Variants in FANCC observed in about 807,000 individuals in gnomAD.
FANCC encodes FA complementation group C.
FANCC carries 55 observed loss-of-function variants against 71.3 expected under a neutral mutation model. The observed-to-expected ratio is 0.77, with a 90% CI of 0.62 to 0.97. FANCC has a LOEUF of 0.97. Ranked by LOEUF, FANCC falls within the 50% of genes least tolerant of loss-of-function variation. FANCC has a pLI of 0.00. For missense variants in FANCC, 678 were observed against 670.9 expected, an observed-to-expected ratio of 1.01 and a Z score of -0.12; for synonymous variants, 275 against 244.9, an observed-to-expected ratio of 1.12 and a Z score of -1.15.
intron 1 of FANCC, among the ~76,000 whole-genome samples, chr9:95,283,935 T>C (rs1044648372): frequency 2.0e-5 from 3 of 152,240 alleles, no homozygotes; most frequent in Non-Finnish European, 4.4e-5. Flanking sequence ...TGCCAGTCTA[T>C]GCCTCCGTTT....
At chr9:95,161,289 C>A (rs559392267) in intron 6 of FANCC, among the ~76,000 whole-genome samples, 2 of 152,132 alleles carry the variant, frequency 1.3e-5, no homozygotes, top group African/African-American at 4.8e-5. Flanking sequence ...AGGAAGGAGG[C>A]CTGGAAGGAG....
At chr9:95,121,073 C>T (rs1056945686) in intron 10 of FANCC, among the ~76,000 whole-genome samples, 3 of 152,208 alleles carry the variant, frequency 2.0e-5, no homozygotes, top group South Asian at 2.1e-4. Flanking sequence ...TCCACTTTTT[C>T]AGGTGCTCTG....
In FANCC at chr9:95,229,802, CACAT is replaced by C. The variant is rs1483434472; in HGVS notation, c.345+10843_345+10846del. On this transcript the variant is annotated intron_variant, in intron 4 of 14. Coordinates refer to ENST00000289081, the MANE Select transcript of FANCC (RefSeq NM_000136.3). ...ACACACACACACACACACACACACA[CACAT>C]TGTAATTCTTTCATGGCTCTTTCCA... Among the ~76,000 whole-genome samples the C allele has an allele frequency of 7.8e-4, 110 of 140,226 alleles. No individual in the cohort carries two copies. In the East Asian group the frequency reaches 0.011, roughly 14 times the overall value. The allele number at this position is 140,226 out of a possible 152,430, so 92.0% of individuals were successfully genotyped here. A position where few individuals can be genotyped will look rare whatever the true frequency, so the allele number is the denominator to read the frequency against.
rs890064289 is a variant in FANCC, at chr9:95,182,086, T to C, written c.346-9939A>G. On this transcript the variant is annotated intron_variant, in intron 4 of 14. Transcript: ENST00000289081. ...GCAAAGGGCTAGGAGAGCCAAACTG[T>C]GGTCAGTATTCTCAAACTAAGACAG... Among the ~76,000 whole-genome samples the C allele has an allele frequency of 3.5e-4, 53 of 152,154 alleles. 1 individual carries two copies. The highest frequency in any genetic ancestry group is 1.2e-3 in the African/African-American group (50 of 41,428).
intron 2 of FANCC, 77 bp from the exon 3 acceptor site, chr9:95,247,593 G>T: frequency 1.1e-6 from 1 of 936,326 alleles, no homozygotes; most frequent in East Asian, 2.4e-5. Flanking sequence ...TATAGATTGA[G>T]GGAACGTGAA....
intron 4 of FANCC, among the ~76,000 whole-genome samples, chr9:95,222,162 CAAAAAAAAA>C (rs60764731): frequency 2.7e-4 from 19 of 70,638 alleles, no homozygotes; most frequent in Non-Finnish European, 3.7e-4. Flanking sequence ...GGCCCCATCT[CAAAAAAAAA>C]AAAAAAAAAA....
At chr9:95,110,673 C>T in intron 13 of FANCC, 2 of 1,050,908 alleles carry the variant, frequency 1.9e-6, no homozygotes, top group Non-Finnish European at 1.1e-6. Flanking sequence ...ACAGAAAATG[C>T]CAAAGCCAAG....
chr9:95,128,930 G>A (rs1188153887), intron 8 of FANCC, among the ~76,000 whole-genome samples: 1 of 150,898 alleles, frequency 6.6e-6, no homozygotes, highest in East Asian at 1.9e-4. Flanking sequence ...TTTTGAGACA[G>A]GGTCTCATTC....
intron 4 of FANCC, among the ~76,000 whole-genome samples, chr9:95,198,736 G>T (rs367904157): frequency 2.5e-4 from 38 of 152,066 alleles, no homozygotes; most frequent in African/African-American, 8.4e-4. Flanking sequence ...AATTTTTTTT[G>T]TGTGTGTGGG....
At chr9:95,220,020 G>GAA (rs1009569822) in intron 4 of FANCC, among the ~76,000 whole-genome samples, 18 of 151,996 alleles carry the variant, frequency 1.2e-4, no homozygotes, top group African/African-American at 4.1e-4. Context: ...AAATTTACAA[G>GAA]AAAAAAATCA....
At chr9:95,278,457 C>T (rs1414535243) in intron 1 of FANCC, among the ~76,000 whole-genome samples, 2 of 152,190 alleles carry the variant, frequency 1.3e-5, no homozygotes, top group East Asian at 1.9e-4. Context: ...TTGAATAACA[C>T]TATAACCAAG....
At chr9:95,175,537 G>A (rs982400773) in intron 4 of FANCC, among the ~76,000 whole-genome samples, 4 of 152,190 alleles carry the variant, frequency 2.6e-5, no homozygotes, top group Non-Finnish European at 5.9e-5. Flanking sequence ...AAGAGAGTTC[G>A]TCTCCATGTT....
chr9:95,254,713 C>T (rs1328953353), intron 1 of FANCC, among the ~76,000 whole-genome samples: 3 of 152,194 alleles, frequency 2.0e-5, no homozygotes, highest in African/African-American at 7.2e-5. Context: ...GCACCTGGAA[C>T]ACCAGCGAGA....
At chr9:95,249,713 T>C (rs949579273) in intron 1 of FANCC, among the ~76,000 whole-genome samples, 12 of 152,226 alleles carry the variant, frequency 7.9e-5, no homozygotes, top group Non-Finnish European at 1.5e-4. Context: ...AGTATTTTAA[T>C]GTAATAGAAA....
chr9:95,302,603 C>T (rs1457236786), intron 1 of FANCC, among the ~76,000 whole-genome samples: 2 of 152,228 alleles, frequency 1.3e-5, no homozygotes, highest in Admixed American at 1.3e-4. Flanking sequence ...TGCCTTTAGC[C>T]TGTGAATCCT....
intron 4 of FANCC, among the ~76,000 whole-genome samples, chr9:95,189,054 T>C (rs1588250482): frequency 6.6e-6 from 1 of 152,340 alleles, no homozygotes; most frequent in African/African-American, 2.4e-5. Context: ...TGAATATCAA[T>C]TAAATACGCC....
intron 4 of FANCC, among the ~76,000 whole-genome samples, chr9:95,236,360 T>A (rs983055632): frequency 1.3e-5 from 2 of 152,160 alleles, no homozygotes; most frequent in African/African-American, 2.4e-5. Flanking sequence ...TCAAAAAGTA[T>A]CTGTTCAGTG....
At chr9:95,179,417 G>T (rs1320793454) in intron 4 of FANCC, among the ~76,000 whole-genome samples, 1 of 152,222 alleles carries the variant, frequency 6.6e-6, no homozygotes, top group East Asian at 1.9e-4. Flanking sequence ...CACAATCTTA[G>T]CTCACTGCAA....
At chr9:95,189,968 T>C (rs1362645998) in intron 4 of FANCC, among the ~76,000 whole-genome samples, 1 of 152,192 alleles carries the variant, frequency 6.6e-6, no homozygotes, top group Non-Finnish European at 1.5e-5. Context: ...ACAATCTTCT[T>C]ATGCATCCTT....
Sources: gnomAD v4.1 joint callset for allele counts (sites outside exome capture counted in the v4.1 genomes callset) on GRCh38, gnomAD v4.1.1 for gene constraint, MANE v1.5 for transcripts, NCBI Gene and HGNC (gene_info 2026-07-23, HGNC 2026-07-21) for gene names.